The following ATL1 variants were observed in gnomAD, a reference collection of about 807,000 sequenced individuals.
The protein encoded by ATL1 is atlastin GTPase 1.
ATL1 carries 31 observed loss-of-function variants against 75.5 expected under a neutral mutation model. That is an observed-to-expected ratio of 0.41 (90% CI 0.31 to 0.55). The LOEUF (loss-of-function observed/expected upper bound fraction) is 0.55. ATL1 is among the 20% of genes least tolerant of loss of function. The pLI is 0.27. For synonymous variants in ATL1, 226 were observed against 233.3 expected (o/e 0.97, Z 0.28); for missense variants, 405 against 662.6 (o/e 0.61, Z 4.27).
chr14:50,615,721 G>A (rs2039408665), intron 8 of ATL1, among the ~76,000 whole-genome samples: 1 of 152,102 alleles, frequency 6.6e-6, no homozygotes, highest in Non-Finnish European at 1.5e-5. Flanking sequence ...ATTACCTAAT[G>A]GCTTTAATGT....
rs2039380251 is a variant in ATL1 at position 50,612,964 on chromosome 14, A to G, written c.631-295A>G. ...CCTATTCTACACAAAATCTGATTAT[A>G]GTGACATAGCTCCATTCAGGCAGTT... On this transcript the variant is annotated intron_variant, in intron 6 of 13. Transcript: ENST00000358385. Among the ~76,000 whole-genome samples, 2 of 152,156 alleles carry G rather than the reference A, an allele frequency of 1.3e-5. 1 individual carries two copies. Among genetic ancestry groups the G allele is most frequent in the South Asian group, 4.1e-4 (2 of 4,824 alleles).
intron 6 of ATL1, among the ~76,000 whole-genome samples, chr14:50,605,656 A>T (rs1351310943): frequency 6.6e-6 from 1 of 152,004 alleles, no homozygotes; most frequent in Non-Finnish European, 1.5e-5. Context: ...CTTGCCCCCT[A>T]AAGGCCACTA....
intron 10 of ATL1, among the ~76,000 whole-genome samples, 182 bp from the exon 11 acceptor site, chr14:50,622,995 T>C (rs2039482448): frequency 1.3e-5 from 2 of 152,200 alleles, no homozygotes; most frequent in South Asian, 4.1e-4. Flanking sequence ...TGTTTATGCA[T>C]TTTTGAAACT....
At chr14:50,608,720 A>G (rs1272704670) in intron 6 of ATL1, among the ~76,000 whole-genome samples, 2 of 152,078 alleles carry the variant, frequency 1.3e-5, no homozygotes, top group Non-Finnish European at 2.9e-5. Context: ...TGCAAAATAC[A>G]GCCAAATCCA....
intron 1 of ATL1, among the ~76,000 whole-genome samples, chr14:50,584,594 A>C (rs1210607724): frequency 6.6e-6 from 1 of 152,052 alleles, no homozygotes; most frequent in Non-Finnish European, 1.5e-5. Flanking sequence ...CTGTAGTCCC[A>C]GCTATTCAGG....
chr14:50,560,800 G>T lies in ATL1; in HGVS notation c.34+501G>T, dbSNP rs527471990. On this transcript the variant is annotated intron_variant, in intron 1 of 13. Coordinates refer to ENST00000358385, the MANE Select transcript of ATL1 (RefSeq NM_015915.5). ...CCCGGCGGCGGGCGGCGGGCGGCGCGCTGGAACAATGAGGCGGAGCGCGCC... is the reference window on the plus strand; with the variant it reads ...CCCGGCGGCGGGCGGCGGGCGGCGCTCTGGAACAATGAGGCGGAGCGCGCC... 9.4e-3 allele frequency among the ~76,000 whole-genome samples: 1,427 copies of T among 152,280 alleles called. 8 individuals carry two copies. The highest frequency in any genetic ancestry group is 0.048 in the Middle Eastern group (14 of 292).
chr14:50,614,587 G>A (rs1171080424), intron 8 of ATL1, 76 bp downstream of exon 8: 3 of 1,496,604 alleles, frequency 2.0e-6, no homozygotes, highest in Non-Finnish European at 1.8e-6. Flanking sequence ...TTGGGCTTAT[G>A]GCTGATAGTT....
At chr14:50,610,743 G>T (rs59669600) in intron 6 of ATL1, among the ~76,000 whole-genome samples, 1,736 of 152,250 alleles carry the variant, frequency 0.011, 31 homozygotes, top group African/African-American at 0.04. Context: ...GCCAAGCACT[G>T]TACTAGGTGT....
chr14:50,555,429 A>T (rs1382299548), upstream of ATL1, among the ~76,000 whole-genome samples: 1 of 152,034 alleles, frequency 6.6e-6, no homozygotes, highest in Non-Finnish European at 1.5e-5. Flanking sequence ...CTACAGGTGC[A>T]CGCCACCCGT....
At chr14:50,592,551 A>AC (rs2039169070) in intron 4 of ATL1, among the ~76,000 whole-genome samples, 1 of 151,822 alleles carries the variant, frequency 6.6e-6, no homozygotes, top group Admixed American at 6.6e-5. Flanking sequence ...ATAAAAAAAA[A>AC]AGTCATGGTT....
intron 1 of ATL1, among the ~76,000 whole-genome samples, chr14:50,550,192 C>T (rs1026149764): frequency 1.3e-5 from 2 of 152,200 alleles, no homozygotes; most frequent in Non-Finnish European, 2.9e-5. Flanking sequence ...ATAGGCAAGG[C>T]TGGAAGCTTA....
At chr14:50,597,764 G>A (rs1262673245) in intron 6 of ATL1, among the ~76,000 whole-genome samples, 2 of 151,846 alleles carry the variant, frequency 1.3e-5, no homozygotes, top group Non-Finnish European at 2.9e-5. Context: ...GTGCGATCTC[G>A]GCTCACTGCA....
In ATL1 at chr14:50,612,199, G is replaced by A. The variant is rs1249689351; in HGVS notation, c.631-1060G>A. On this transcript the variant is annotated intron_variant, in intron 6 of 13. Transcript: ENST00000358385. ...TCCACTTACGCAAATTATAAAAACA[G>A]GCAAAACGAACTGATGCTGTTAAAA... Among the ~76,000 whole-genome samples the A allele has an allele frequency of 2.6e-5, 4 of 152,074 alleles. No individual in the cohort carries two copies. The East Asian group carries it at 5.8e-4, about 22-fold the overall frequency.
At chr14:50,617,261 A>C (rs964726852) in intron 8 of ATL1, among the ~76,000 whole-genome samples, 9 of 152,248 alleles carry the variant, frequency 5.9e-5, no homozygotes, top group African/African-American at 2.2e-4. Context: ...AAAAGATTAA[A>C]GGTACTGAAT....
rs530903463 is a variant in ATL1, at chr14:50,560,209, C to T, written c.-57C>T. 1.7e-4 allele frequency: 273 copies of T among 1,606,490 alleles called. No homozygotes were observed. Among genetic ancestry groups the T allele is most frequent in the Non-Finnish European group, 6.3e-5 (74 of 1,176,140 alleles). ...TCCCACCGCCAGCAACCTGCGGCCC[C>T]GGAGAAGGCAGCGAGCGCAGTGACA... On this transcript the variant is annotated 5_prime_UTR_variant, in exon 1 of 14. Transcript: ENST00000358385.
chr14:50,608,916 G>A (rs1170963569), intron 6 of ATL1, among the ~76,000 whole-genome samples: 1 of 151,974 alleles, frequency 6.6e-6, no homozygotes, highest in Non-Finnish European at 1.5e-5. Flanking sequence ...TAAAGAGGGT[G>A]GATGTGGGTA....
intron 1 of ATL1, among the ~76,000 whole-genome samples, chr14:50,571,048 G>A (rs1021882192): frequency 3.9e-5 from 6 of 152,182 alleles, no homozygotes; most frequent in African/African-American, 9.6e-5. Context: ...AAAAGTGGGT[G>A]GGAAAGAAAA....
chr14:50,600,257 TAA>T (rs754483014), intron 6 of ATL1, among the ~76,000 whole-genome samples: 45 of 135,728 alleles, frequency 3.3e-4, no homozygotes, highest in Non-Finnish European at 3.7e-4. Context: ...GGCTTTTGGT[TAA>T]AAAAAAAAAA....
At chr14:50,597,067 G>A (rs1317902248) in intron 6 of ATL1, among the ~76,000 whole-genome samples, 1 of 151,512 alleles carries the variant, frequency 6.6e-6, no homozygotes, top group Non-Finnish European at 1.5e-5. Context: ...AAAATTAGCT[G>A]GGCATGGTGG....
Sources: gnomAD v4.1 joint callset for allele counts (sites outside exome capture counted in the v4.1 genomes callset) on GRCh38, gnomAD v4.1.1 for gene constraint, MANE v1.5 for transcripts, NCBI Gene and HGNC (gene_info 2026-07-23, HGNC 2026-07-21) for gene names.